RALYL: variants seen among roughly 807,000 people sequenced by gnomAD.
RALYL encodes RALY RNA binding protein like, also known as RNA-binding Raly-like protein.
Under a neutral mutation model 35.1 loss-of-function variants are expected in RALYL, and 29 were observed. The observed-to-expected ratio is 0.83, with a 90% confidence interval of 0.61 to 1.13. The LOEUF (loss-of-function observed/expected upper bound fraction) is 1.13, where lower values mean the gene tolerates loss of function less well. Among genes scored for constraint, RALYL ranks in the 50% most tolerant of loss-of-function variants. The pLI is 0.00. For synonymous variants in RALYL, 120 were observed against 127.6 expected (o/e 0.94, Z 0.40); for missense variants, 359 against 360.4 (o/e 1.00, Z 0.03).
intron 1 of RALYL, among the ~76,000 whole-genome samples, chr8:84,363,416 A>G (rs1293786519): frequency 6.6e-6 from 1 of 152,142 alleles, no homozygotes; most frequent in African/African-American, 2.4e-5. Flanking sequence ...CCTTCAGATG[A>G]GTGACAATGT....
intron 2 of RALYL, among the ~76,000 whole-genome samples, chr8:84,646,080 T>C (rs1350691802): frequency 6.6e-6 from 1 of 151,974 alleles, no homozygotes; most frequent in Non-Finnish European, 1.5e-5. Context: ...TTCATGGTTT[T>C]GGTTTTCTTA....
At chr8:84,296,820 A>G (rs1839845243) in intron 1 of RALYL, among the ~76,000 whole-genome samples, 1 of 151,994 alleles carries the variant, frequency 6.6e-6, no homozygotes, top group East Asian at 1.9e-4. Flanking sequence ...CTACTTCACA[A>G]GTAAATGAAT....
At chr8:84,901,731 T>C (rs1056489731) in intron 8 of RALYL, among the ~76,000 whole-genome samples, 6 of 152,246 alleles carry the variant, frequency 3.9e-5, no homozygotes, top group African/African-American at 1.4e-4. Context: ...AAAGAGGGGA[T>C]GGATCCTGGC....
At chr8:84,783,365 C>A (rs1470236509) in intron 3 of RALYL, among the ~76,000 whole-genome samples, 3 of 152,082 alleles carry the variant, frequency 2.0e-5, no homozygotes, top group Non-Finnish European at 4.4e-5. Flanking sequence ...TCACAGGCAA[C>A]CTAAGAGACT....
chr8:84,216,671 C>T (rs1027995185), intron 1 of RALYL, among the ~76,000 whole-genome samples: 1 of 152,134 alleles, frequency 6.6e-6, no homozygotes, highest in Non-Finnish European at 1.5e-5. Flanking sequence ...GAATTTTCTT[C>T]ACTGAGGGAA....
At chr8:84,867,460 CATTTT>C (rs1440498772) in intron 6 of RALYL, among the ~76,000 whole-genome samples, 1 of 152,152 alleles carries the variant, frequency 6.6e-6, no homozygotes, top group South Asian at 2.1e-4. Flanking sequence ...TTTTGTCATA[CATTTT>C]ATATTTGACT....
chr8:84,863,873 C>T (rs892799802), intron 6 of RALYL, among the ~76,000 whole-genome samples: 5 of 152,008 alleles, frequency 3.3e-5, no homozygotes, highest in Non-Finnish European at 7.4e-5. Context: ...AATATGAATT[C>T]CATTTTGAGT....
intron 2 of RALYL, among the ~76,000 whole-genome samples, chr8:84,600,789 C>T (rs1815752498): frequency 6.6e-6 from 1 of 152,030 alleles, no homozygotes; most frequent in African/African-American, 2.4e-5. Context: ...TTCTGCCATC[C>T]AAGGCAAACT....
intron 2 of RALYL, among the ~76,000 whole-genome samples, chr8:84,649,597 G>A (rs1309733074): frequency 1.3e-5 from 2 of 152,104 alleles, no homozygotes; most frequent in East Asian, 3.9e-4. Flanking sequence ...TTGTAGATAT[G>A]CGGCGTTATT....
chr8:84,337,068 T>A (rs1408869724), intron 1 of RALYL, among the ~76,000 whole-genome samples: 1 of 150,670 alleles, frequency 6.6e-6, no homozygotes, highest in Non-Finnish European at 1.5e-5. Flanking sequence ...AGTATAACAG[T>A]TGGTTATGTA....
intron 1 of RALYL, among the ~76,000 whole-genome samples, chr8:84,425,345 G>C (rs545377779): frequency 1.3e-5 from 2 of 152,060 alleles, no homozygotes; most frequent in African/African-American, 4.8e-5. Flanking sequence ...TCTTTGACTC[G>C]GAAAGGGAAC....
chr8:84,897,637 T>A (rs1844974701), intron 8 of RALYL, among the ~76,000 whole-genome samples: 1 of 152,200 alleles, frequency 6.6e-6, no homozygotes, highest in African/African-American at 2.4e-5. Context: ...ATGAATTTAG[T>A]AACAGATGGT....
At chr8:84,531,903 A>C (rs559037417) in intron 2 of RALYL, among the ~76,000 whole-genome samples, 1 of 152,168 alleles carries the variant, frequency 6.6e-6, no homozygotes, top group South Asian at 2.1e-4. Context: ...CAAGGAAAAA[A>C]ATGATGACAC....
intron 4 of RALYL, among the ~76,000 whole-genome samples, chr8:84,849,645 G>C (rs1012603925): frequency 3.3e-5 from 5 of 151,122 alleles, no homozygotes; most frequent in African/African-American, 1.2e-4. Context: ...TGCAAGCTCC[G>C]CCTCCCGGGT....
intron 2 of RALYL, among the ~76,000 whole-genome samples, chr8:84,538,546 G>C (rs1161081430): frequency 6.6e-6 from 1 of 151,800 alleles, no homozygotes; most frequent in African/African-American, 2.4e-5. Context: ...AATTCTAAAA[G>C]AGAATAAAAA....
intron 1 of RALYL, among the ~76,000 whole-genome samples, chr8:84,220,681 A>T (rs1225728949): frequency 1.3e-5 from 2 of 151,992 alleles, no homozygotes; most frequent in African/African-American, 4.8e-5. Context: ...CAGGTGATGA[A>T]AGTAGACACT....
intron 3 of RALYL, among the ~76,000 whole-genome samples, chr8:84,803,021 T>C (rs943167512): frequency 1.3e-5 from 2 of 152,160 alleles, no homozygotes; most frequent in African/African-American, 4.8e-5. Context: ...CTCATTATAT[T>C]ATTCAGTGCC....
chr8:84,597,001 A>G (rs557245095), intron 2 of RALYL, among the ~76,000 whole-genome samples: 141 of 152,250 alleles, frequency 9.3e-4, no homozygotes, highest in African/African-American at 3.1e-3. Context: ...ATAGAAAACA[A>G]GAGGCTACAG....
At chr8:84,870,188 A>G (rs1487175975) in intron 6 of RALYL, among the ~76,000 whole-genome samples, 1 of 151,998 alleles carries the variant, frequency 6.6e-6, no homozygotes, top group Non-Finnish European at 1.5e-5. Context: ...ATAATCACTC[A>G]TAGAAAAATA....
Sources: allele counts gnomAD v4.1 joint callset (sites outside exome capture counted in the v4.1 genomes callset), GRCh38; gene constraint gnomAD v4.1.1; transcripts MANE v1.5; gene names NCBI Gene and HGNC (gene_info 2026-07-23, HGNC 2026-07-21).